Variants in TENT2 observed in about 807,000 individuals in gnomAD.
TENT2 encodes poly(A) RNA polymerase GLD2.
A neutral mutation model predicts 72.2 loss-of-function variants in TENT2; 44 were observed. The ratio of observed to expected loss-of-function variants is 0.61; its 90% CI spans 0.48 to 0.78. TENT2 has a LOEUF of 0.78. Among genes scored for constraint, TENT2 ranks in the 30% least tolerant of loss-of-function variants. TENT2 has a pLI of 0.00. For missense variants in TENT2, 541 were observed against 569.6 expected (o/e 0.95, Z 0.51); for synonymous variants, 212 against 192.5 (o/e 1.10, Z -0.84).
chr5:79,637,815 T>G (rs1781315237), intron 4 of TENT2, among the ~76,000 whole-genome samples: 1 of 149,616 alleles, frequency 6.7e-6, no homozygotes, highest in African/African-American at 2.5e-5. Context: ...TTTTTTTTTT[T>G]GTGACGGAGT....
chr5:79,668,792 TTC>T (rs1354276498), intron 11 of TENT2, 98 bp from the exon 12 acceptor site: 1 of 1,368,206 alleles, frequency 7.3e-7, no homozygotes, highest in Non-Finnish European at 9.9e-7. Context: ...AGTAAATTTC[TTC>T]TCTCTTTTTC....
chr5:79,653,049 A>G (rs1419221637), intron 10 of TENT2, among the ~76,000 whole-genome samples: 2 of 152,178 alleles, frequency 1.3e-5, no homozygotes, highest in African/African-American at 2.4e-5. Flanking sequence ...TAAAGCATTT[A>G]GCATACATGA....
rs373046925 is a variant in TENT2, at chr5:79,641,154, G to T, written c.630G>T (p.Arg210=). Residue 210 remains arginine (R), a synonymous_variant, in exon 6 of 15, where the codon CGG becomes CGT. Transcript: ENST00000453514. ...VGSSLNGFGT[R]SSDGDLCLVV... is the part of the protein sequence containing the mutation. Reference sequence around the variant, plus strand: ...CCTCTTTAAATGGATTTGGTACCCGGAGCAGTGATGGTGATTTATGCCTAG... The same window carrying T: ...CCTCTTTAAATGGATTTGGTACCCGTAGCAGTGATGGTGATTTATGCCTAG... 1 of 1,579,018 alleles carries T rather than the reference G, an allele frequency of 6.3e-7. No individual in the cohort carries two copies. Among genetic ancestry groups the T allele is most frequent in the Non-Finnish European group, 8.5e-7 (1 of 1,170,122 alleles).
intron 4 of TENT2, among the ~76,000 whole-genome samples, chr5:79,624,405 CT>C (rs1490334260): frequency 6.6e-6 from 1 of 152,206 alleles, no homozygotes; most frequent in African/African-American, 2.4e-5. Context: ...CTCTATTATT[CT>C]TTTGTTCTTT....
chr5:79,665,451 T>C lies in TENT2; in HGVS notation c.1072-3441T>C, dbSNP rs144742757. On this transcript the variant is annotated intron_variant, in intron 11 of 14. Transcript: ENST00000453514. ...ATCATGGGACAGTCTCAGAAAAAAA[T>C]GATGGAATCTGGCAAAAGGTATTTT... Among the ~76,000 whole-genome samples, 66 of 152,232 alleles carry C rather than the reference T, an allele frequency of 4.3e-4. No individual in the cohort carries two copies. In the East Asian group the frequency reaches 0.013, roughly 29 times the overall value.
chr5:79,661,715 C>T (rs931199823), intron 11 of TENT2, among the ~76,000 whole-genome samples: 2 of 152,190 alleles, frequency 1.3e-5, no homozygotes, highest in Admixed American at 1.3e-4. Context: ...TGCTTTGATA[C>T]TGACGGCTCC....
chr5:79,634,365 C>G (rs1438932672), intron 4 of TENT2, among the ~76,000 whole-genome samples: 1 of 151,946 alleles, frequency 6.6e-6, no homozygotes, highest in Non-Finnish European at 1.5e-5. Flanking sequence ...GAGATGGAGT[C>G]TTGCTCTGTT....
chr5:79,632,939 C>A (rs536843123), intron 4 of TENT2, among the ~76,000 whole-genome samples: 1 of 152,228 alleles, frequency 6.6e-6, no homozygotes, highest in South Asian at 2.1e-4. Flanking sequence ...CTAAAGTAAT[C>A]AGACTTCAGG....
Position 79,641,166 on chromosome 5 carries a change from T to C in TENT2, c.642T>C (p.Gly214=). The change falls in exon 6 of 15, where the codon GGT becomes GGC. Residue 214 remains glycine (G), a synonymous_variant. Transcript: ENST00000453514. ...GATTTGGTACCCGGAGCAGTGATGG[T>C]GATTTATGCCTAGTTGTTAAGGAAG... ...LNGFGTRSSD[G]DLCLVVKEEP... 6.3e-7 allele frequency: 1 copy of C among 1,579,540 alleles called. No individual in the cohort carries two copies. Among genetic ancestry groups the C allele is most frequent in the Non-Finnish European group, 8.5e-7 (1 of 1,170,130 alleles).
At chr5:79,663,180 T>G (rs537535023) in intron 11 of TENT2, among the ~76,000 whole-genome samples, 1 of 152,328 alleles carries the variant, frequency 6.6e-6, no homozygotes, top group South Asian at 2.1e-4. Flanking sequence ...TTGCTCTGGT[T>G]AGGTTTTGGC....
intron 4 of TENT2, among the ~76,000 whole-genome samples, chr5:79,625,850 T>C (rs1188487590): frequency 1.3e-5 from 2 of 151,118 alleles, no homozygotes. Context: ...TTTTTTTTGA[T>C]ATAGAGTCTA....
At chr5:79,636,383 G>A (rs1383198536) in intron 4 of TENT2, among the ~76,000 whole-genome samples, 2 of 152,044 alleles carry the variant, frequency 1.3e-5, no homozygotes, top group East Asian at 1.9e-4. Flanking sequence ...TCAGATTGCA[G>A]TTATTTTATT....
intron 10 of TENT2, among the ~76,000 whole-genome samples, chr5:79,654,153 C>T (rs1009536538): frequency 6.6e-6 from 1 of 152,078 alleles, no homozygotes; most frequent in African/African-American, 2.4e-5. Context: ...AAAAGGAGGC[C>T]GGGCACGGTG....
chr5:79,656,556 A>C (rs1798114734), intron 10 of TENT2, among the ~76,000 whole-genome samples: 1 of 151,986 alleles, frequency 6.6e-6, no homozygotes, highest in Non-Finnish European at 1.5e-5. Flanking sequence ...AGTGTCATTG[A>C]ACTGTATTTT....
intron 14 of TENT2, among the ~76,000 whole-genome samples, chr5:79,684,972 C>G (rs1825459086): frequency 6.6e-6 from 1 of 152,146 alleles, no homozygotes; most frequent in Non-Finnish European, 1.5e-5. Flanking sequence ...GTGGGAGGAT[C>G]TCTTGAGCCT....
Position 79,655,930 on chromosome 5 carries a change from C to T in TENT2, c.1028-1028C>T, listed in dbSNP as rs1166585208. Among the ~76,000 whole-genome samples, 6 of 151,770 alleles carry T rather than the reference C, an allele frequency of 4.0e-5. No individual in the cohort carries two copies. In the East Asian group the frequency reaches 1.2e-3, roughly 29 times the overall value. ...ATACCCTTTTAATTATAGTTGGAGA[C>T]CGTGTAAGTTGGTCATAATGGTTCA... On this transcript the variant is annotated intron_variant, in intron 10 of 14. Coordinates refer to ENST00000453514, the MANE Select transcript of TENT2 (RefSeq NM_001114394.3).
At chr5:79,619,889 A>T in intron 2 of TENT2, 104 bp downstream of exon 2, 1 of 1,486,792 alleles carries the variant, frequency 6.7e-7, no homozygotes, top group Non-Finnish European at 9.1e-7. Context: ...ATATGTCGTC[A>T]CATTTTTTTT....
At chr5:79,618,840 A>G (rs1762528154) in intron 1 of TENT2, among the ~76,000 whole-genome samples, 1 of 152,180 alleles carries the variant, frequency 6.6e-6, no homozygotes, top group South Asian at 2.1e-4. Flanking sequence ...ACTACGTTAC[A>G]TAGTTTCTCT....
intron 12 of TENT2, among the ~76,000 whole-genome samples, chr5:79,676,428 T>C (rs1161320118): frequency 1.3e-5 from 2 of 151,858 alleles, no homozygotes; most frequent in Non-Finnish European, 2.9e-5. Flanking sequence ...CTGCTAAAAA[T>C]ACAAAAATTA....
Sources: allele counts gnomAD v4.1 joint callset (sites outside exome capture counted in the v4.1 genomes callset), GRCh38; gene constraint gnomAD v4.1.1; transcripts MANE v1.5; gene names NCBI Gene and HGNC (gene_info 2026-07-23, HGNC 2026-07-21).